Variants in DHX40 observed in about 807,000 individuals in gnomAD.
DHX40 encodes the protein DEAH-box helicase 40.
DHX40 carries 28 observed loss-of-function variants against 89.6 expected under a neutral mutation model. The observed-to-expected ratio is 0.31, with a 90% CI of 0.23 to 0.43. DHX40 has a LOEUF of 0.43. Ranked by LOEUF, DHX40 falls within the 20% of genes least tolerant of loss-of-function variation. The pLI, the probability that DHX40 is intolerant of heterozygous loss-of-function variation, is 1.00. For synonymous variants in DHX40, 226 were observed against 283.6 expected, an observed-to-expected ratio of 0.80 and a Z score of 2.04; for missense variants, 457 against 844.0, an observed-to-expected ratio of 0.54 and a Z score of 5.68.
At chr17:59,606,994 A>C in intron 17 of DHX40, 39 bp from the exon 18 acceptor site, 1 of 1,569,408 alleles carries the variant, frequency 6.4e-7, no homozygotes, top group African/African-American at 1.4e-5. Flanking sequence ...ACTGAATCTC[A>C]AAGCTAAGTT....
rs774815594 is a variant in DHX40, at chr17:59,579,517, C to G, written c.1119C>G (p.Pro373=). The G allele has an allele frequency of 7.0e-7, 1 of 1,431,168 alleles. No homozygotes were observed. The highest frequency in any genetic ancestry group is 9.0e-7 in the Non-Finnish European group (1 of 1,114,054). 88.7% of individuals were successfully genotyped at this position (1,431,168 alleles called of 1,614,324 possible). A position where few individuals can be genotyped will look rare whatever the true frequency, so the allele number is the denominator to read the frequency against. ...GGFVKQLNHN[P]RLGLDILEVV... ...TCGTGAAGCAGTTAAATCACAACCC[C>G]AGATTAGGGTTGGACATCCTGGAGG... The change falls in exon 9 of 18, where the codon CCC becomes CCG. Residue 373 remains proline (P), a synonymous_variant. Coordinates refer to ENST00000251241, the MANE Select transcript of DHX40 (RefSeq NM_024612.5).
At chr17:59,567,770 GA>G (rs964310203) in intron 2 of DHX40, among the ~76,000 whole-genome samples, 1,703 of 142,508 alleles carry the variant, frequency 0.012, 27 homozygotes, top group African/African-American at 0.038. Context: ...ACTAAAAATA[GA>G]AAAAAAAAAA....
chr17:59,601,535 A>G (rs1263444930), intron 14 of DHX40, among the ~76,000 whole-genome samples: 1 of 151,842 alleles, frequency 6.6e-6, no homozygotes, highest in East Asian at 1.9e-4. Context: ...CAGTCTTTAA[A>G]TTTTTACATT....
intron 11 of DHX40, among the ~76,000 whole-genome samples, chr17:59,587,170 C>T (rs1040584461): frequency 1.3e-5 from 2 of 149,764 alleles, no homozygotes; most frequent in African/African-American, 2.5e-5. Context: ...AAAAAAAAAA[C>T]GGTAAAATTG....
In DHX40 at chr17:59,579,567, C is replaced by T. The variant is rs753560620; in HGVS notation, c.1160+9C>T. On this transcript the variant is annotated intron_variant, in intron 9 of 17. Transcript: ENST00000251241. ...GTGGTTCCAATTTCAAAGTAAGTCT[C>T]TATGTCAAATCTTTTTATTCAAAGA... 4 of 1,139,596 alleles carry T rather than the reference C, an allele frequency of 3.5e-6. 1 individual carries two copies. In the South Asian group the frequency reaches 6.7e-5, roughly 19 times the overall value. 70.6% of individuals were successfully genotyped at this position (1,139,596 alleles called of 1,614,324 possible).
chr17:59,577,356 A>G lies in DHX40; in HGVS notation c.1064A>G (p.Asp355Gly). ...TNISATSLTI[D>G]GIRYVVDGGF... ...ATTTCTGCAACGTCTTTGACAATAGATGGAATCAGGTAAAACTTTTGAACT... is the reference window on the plus strand; with the variant it reads ...ATTTCTGCAACGTCTTTGACAATAGGTGGAATCAGGTAAAACTTTTGAACT... Residue 355 changes from aspartate (D) to glycine (G), a missense_variant, in exon 8 of 18, where the codon GAT becomes GGT. Physicochemically the swap from Asp to Gly is moderately conservative, Grantham distance 94. Around this residue, in one of 9 missense-constraint regions of DHX40, gnomAD observed 116 missense variants for 188.9 expected, o/e 0.61. Transcript: ENST00000251241. The G allele has an allele frequency of 1.9e-6, 3 of 1,613,586 alleles. No homozygotes were observed. Among genetic ancestry groups the G allele is most frequent in the Non-Finnish European group, 2.5e-6 (3 of 1,179,600 alleles).
At chr17:59,606,624 T>C (rs1041184587) in intron 17 of DHX40, among the ~76,000 whole-genome samples, 23 of 151,758 alleles carry the variant, frequency 1.5e-4, no homozygotes, top group African/African-American at 5.6e-4. Context: ...CGGGCGCCTG[T>C]AGTCCCAGCT....
intron 5 of DHX40, 21 bp from the exon 6 acceptor site, chr17:59,574,167 T>C: frequency 3.8e-6 from 2 of 523,888 alleles, no homozygotes; most frequent in South Asian, 4.3e-5. Flanking sequence ...TAGCATATTA[T>C]GCCTGCATTT....
In DHX40 at chr17:59,582,264, G is replaced by T. The variant is rs547438263; in HGVS notation, c.1343+2385G>T. On this transcript the variant is annotated intron_variant, in intron 10 of 17. Transcript: ENST00000251241. Reference sequence around the variant, plus strand: ...TAAAAGCCATAGTGTACTAAAAATCGCAAAATTATGTTTCAAAATGCTTGA... The same window carrying T: ...TAAAAGCCATAGTGTACTAAAAATCTCAAAATTATGTTTCAAAATGCTTGA... Among the ~76,000 whole-genome samples, 30 of 123,116 alleles carry T rather than the reference G, an allele frequency of 2.4e-4. 9 individuals are homozygous for T. The East Asian group carries it at 8.2e-3, about 34-fold the overall frequency. 80.8% of individuals were successfully genotyped at this position (123,116 alleles called of 152,430 possible). A position where few individuals can be genotyped will look rare whatever the true frequency, so the allele number is the denominator to read the frequency against.
intron 8 of DHX40, among the ~76,000 whole-genome samples, chr17:59,577,802 AGATTATGTATAATGCT>A (rs1286034464): frequency 1.3e-5 from 2 of 151,960 alleles, no homozygotes; most frequent in Admixed American, 6.6e-5. Context: ...TTCAAATTTA[AGATTATGTATAATGCT>A]TTATGGGTTT....
chr17:59,575,277 T>G, intron 6 of DHX40, 63 bp from the exon 7 acceptor site: 1 of 1,291,362 alleles, frequency 7.7e-7, no homozygotes, highest in East Asian at 2.7e-5. Flanking sequence ...CTTGACATTT[T>G]CTTTATTTTT....
In DHX40 at chr17:59,587,288, A is replaced by G. The variant is rs547822628; in HGVS notation, c.1425-608A>G. ...GCCCAGACTGGAGTACAATGGTGCA[A>G]TCTCACCTCACTGCAATCTCCACCT... is the stretch of plus-strand genomic sequence containing the variant. On this transcript the variant is annotated intron_variant, in intron 11 of 17. Transcript: ENST00000251241. Among the ~76,000 whole-genome samples, 8 of 150,926 alleles carry G rather than the reference A, an allele frequency of 5.3e-5. No individual in the cohort carries two copies. In the South Asian group the frequency reaches 1.5e-3, roughly 28 times the overall value.
intron 14 of DHX40, among the ~76,000 whole-genome samples, chr17:59,600,000 T>C (rs1301584015): frequency 6.6e-6 from 1 of 151,820 alleles, no homozygotes; most frequent in Non-Finnish European, 1.5e-5. Flanking sequence ...ATTTTTGTAG[T>C]TTTAGTAGAG....
intron 3 of DHX40, among the ~76,000 whole-genome samples, 168 bp from the exon 4 acceptor site, chr17:59,572,948 A>G (rs112543027): frequency 2.2e-4 from 33 of 152,366 alleles, no homozygotes; most frequent in African/African-American, 7.9e-4. Context: ...CTGTATAGAC[A>G]GCATGTTTTG....
At chr17:59,602,134 T>G (rs913382924) in intron 14 of DHX40, among the ~76,000 whole-genome samples, 3 of 152,216 alleles carry the variant, frequency 2.0e-5, no homozygotes. Context: ...TCTCCTGAAC[T>G]CTTGTCCTGT....
At chr17:59,601,042 G>A (rs762648939) in intron 14 of DHX40, among the ~76,000 whole-genome samples, 33 of 150,620 alleles carry the variant, frequency 2.2e-4, no homozygotes, top group Non-Finnish European at 4.1e-4. Context: ...GGTAGCTCAC[G>A]CCTATAATCC....
chr17:59,599,529 T>A (rs555400365), intron 14 of DHX40, 46 bp downstream of exon 14: 1 of 1,576,758 alleles, frequency 6.3e-7, no homozygotes, highest in Non-Finnish European at 8.6e-7. Context: ...TTTGGACCTA[T>A]ATATTTCATA....
intron 8 of DHX40, among the ~76,000 whole-genome samples, chr17:59,579,119 C>G (rs2048921377): frequency 1.1e-5 from 1 of 91,146 alleles, no homozygotes; most frequent in Non-Finnish European, 2.1e-5. Flanking sequence ...TTGTTTTTAC[C>G]TTATGGCTGT....
At chr17:59,568,446 A>G (rs2048739530) in intron 2 of DHX40, among the ~76,000 whole-genome samples, 1 of 152,148 alleles carries the variant, frequency 6.6e-6, no homozygotes, top group African/African-American at 2.4e-5. Flanking sequence ...ATCCCTTCTT[A>G]TCCTTGGGAG....
Sources: allele counts gnomAD v4.1 joint callset (sites outside exome capture counted in the v4.1 genomes callset), GRCh38; gene constraint gnomAD v4.1.1; regional missense constraint gnomAD v4.1.1; transcripts MANE v1.5; gene names NCBI Gene and HGNC (gene_info 2026-07-23, HGNC 2026-07-21).